The following PRELID2 variants were observed in gnomAD, a reference collection of about 807,000 sequenced individuals.
PRELID2 encodes the protein PRELI domain-containing protein 2.
A neutral mutation model predicts 28.4 loss-of-function variants in PRELID2; 25 were observed. The ratio of observed to expected loss-of-function variants is 0.88; its 90% CI spans 0.64 to 1.23. The LOEUF is 1.23. Among genes scored for constraint, PRELID2 ranks in the 50% most tolerant of loss-of-function variants. PRELID2 has a pLI of 0.00. For synonymous variants in PRELID2, 76 were observed against 71.6 expected, an observed-to-expected ratio of 1.06 and a Z score of -0.31; for missense variants, 201 against 214.4, an observed-to-expected ratio of 0.94 and a Z score of 0.39.
In PRELID2 at chr5:145,692,752, T is replaced by C. The variant is rs564493638; in HGVS notation, n.70+72179A>G. Among the ~76,000 whole-genome samples, 10 of 152,372 alleles carry C rather than the reference T, an allele frequency of 6.6e-5. No homozygotes were observed. The East Asian group carries it at 1.7e-3, about 26-fold the overall frequency. ...TAGATTAATTAGCTCTGTGTCTTCA[T>C]AAAGCAAGATCTTTGTTTGGCTTCA... On this transcript the variant is annotated intron_variant and non_coding_transcript_variant, in intron 1 of 2. Coordinates refer to the PRELID2 transcript ENST00000510259.
At chr5:145,289,491 T>C in the PRELID2 span, among the ~76,000 whole-genome samples, 1 of 152,186 alleles carries the variant, frequency 6.6e-6, no homozygotes, top group Non-Finnish European at 1.5e-5. Context: ...AGTTTGTGCA[T>C]CCATTTGTTT....
chr5:145,231,079 G>A, the PRELID2 span, among the ~76,000 whole-genome samples: 1 of 152,138 alleles, frequency 6.6e-6, no homozygotes. Context: ...AGGGAAATCA[G>A]AGCCCATCTT....
the PRELID2 span, among the ~76,000 whole-genome samples, chr5:145,336,720 C>T: frequency 7.9e-5 from 12 of 151,824 alleles, no homozygotes; most frequent in African/African-American, 2.9e-4. Context: ...CCCAAATGTC[C>T]AACAATGATA....
the PRELID2 span, chr5:145,441,015 G>A: frequency 6.6e-6 from 1 of 152,022 alleles, no homozygotes; most frequent in South Asian, 2.1e-4. Flanking sequence ...TGCATATTTA[G>A]CATTTGCAAA....
At chr5:145,733,567 G>A (rs1216935924) in intron 1 of PRELID2, among the ~76,000 whole-genome samples, 1 of 152,158 alleles carries the variant, frequency 6.6e-6, no homozygotes, top group Non-Finnish European at 1.5e-5. Context: ...GATGAAGCAA[G>A]AACATTAACA....
the PRELID2 span, among the ~76,000 whole-genome samples, chr5:145,424,597 G>A: frequency 7.9e-5 from 12 of 152,184 alleles, no homozygotes; most frequent in Non-Finnish European, 1.2e-4. Context: ...GCTTCGGCTC[G>A]CGCACGGTGC....
the PRELID2 span, among the ~76,000 whole-genome samples, chr5:145,246,142 A>G: frequency 5.3e-5 from 8 of 152,110 alleles, no homozygotes; most frequent in Non-Finnish European, 7.4e-5. Flanking sequence ...TGGGAGGATC[A>G]ATGAAATTCT....
chr5:145,272,187 A>G, the PRELID2 span, among the ~76,000 whole-genome samples: 1 of 152,218 alleles, frequency 6.6e-6, no homozygotes, highest in Non-Finnish European at 1.5e-5. Flanking sequence ...CTCTGAGCAC[A>G]GAAACAGCTG....
At chr5:145,291,157 G>A in the PRELID2 span, among the ~76,000 whole-genome samples, 2 of 150,814 alleles carry the variant, frequency 1.3e-5, no homozygotes, top group Non-Finnish European at 2.9e-5. Flanking sequence ...GGCCAACATG[G>A]TGAAACCCCA....
At chr5:145,724,261 C>T (rs1756068015) in intron 1 of PRELID2, among the ~76,000 whole-genome samples, 1 of 151,842 alleles carries the variant, frequency 6.6e-6, no homozygotes, top group Non-Finnish European at 1.5e-5. Context: ...ACAATATTAT[C>T]TTTATATTTC....
intron 1 of PRELID2, among the ~76,000 whole-genome samples, chr5:145,718,070 A>G (rs979186955): frequency 4.6e-5 from 7 of 152,004 alleles, no homozygotes; most frequent in African/African-American, 1.7e-4. Context: ...ACACTGCTAT[A>G]TTTTCTTATT....
the PRELID2 span, among the ~76,000 whole-genome samples, chr5:145,379,195 T>C: frequency 2.4e-4 from 36 of 152,272 alleles, no homozygotes; most frequent in African/African-American, 8.7e-4. Context: ...TCCACTTCAC[T>C]GGGGAAGGGG....
the PRELID2 span, among the ~76,000 whole-genome samples, chr5:145,422,419 G>A: frequency 1.3e-5 from 2 of 152,206 alleles, no homozygotes; most frequent in Non-Finnish European, 2.9e-5. Context: ...TGGTGCTCCT[G>A]TATTGGGTGC....
the PRELID2 span, among the ~76,000 whole-genome samples, chr5:145,305,279 A>T: frequency 6.6e-6 from 1 of 152,210 alleles, no homozygotes; most frequent in African/African-American, 2.4e-5. Context: ...ATGGAAAATC[A>T]AACCAGTTTT....
chr5:145,333,727 G>C, the PRELID2 span, among the ~76,000 whole-genome samples: 1 of 151,504 alleles, frequency 6.6e-6, no homozygotes, highest in Non-Finnish European at 1.5e-5. Context: ...GGGATCCACT[G>C]AGCTAGACCA....
rs188629748 is a variant in PRELID2 at position 145,616,502 on chromosome 5, T to C, written n.71-143187A>G. Among the ~76,000 whole-genome samples, 894 of 152,062 alleles carry C rather than the reference T, an allele frequency of 5.9e-3. 11 individuals are homozygous for C. Among genetic ancestry groups the C allele is most frequent in the African/African-American group, 0.02 (829 of 41,452 alleles). Reference sequence around the variant, plus strand: ...CGGTCTGAGAAATAAAGGGACAAGGTACAAAAGAGAGAAATTTTAAAGCTG... The same window carrying C: ...CGGTCTGAGAAATAAAGGGACAAGGCACAAAAGAGAGAAATTTTAAAGCTG... On this transcript the variant is annotated intron_variant and non_coding_transcript_variant, in intron 1 of 2. Coordinates refer to the PRELID2 transcript ENST00000510259.
At chr5:145,647,043 G>C (rs1754208658) in intron 1 of PRELID2, among the ~76,000 whole-genome samples, 1 of 152,176 alleles carries the variant, frequency 6.6e-6, no homozygotes, top group Non-Finnish European at 1.5e-5. Context: ...GAGCTCGAAC[G>C]CTGTGCTTGG....
chr5:145,452,904 G>A, the PRELID2 span, among the ~76,000 whole-genome samples: 1 of 152,264 alleles, frequency 6.6e-6, no homozygotes, highest in East Asian at 1.9e-4. Flanking sequence ...TGACAAGAGA[G>A]TGAACTCACC....
At chr5:145,341,198 A>T in the PRELID2 span, among the ~76,000 whole-genome samples, 4 of 152,078 alleles carry the variant, frequency 2.6e-5, no homozygotes, top group South Asian at 8.3e-4. Flanking sequence ...AAACAAGAAA[A>T]GAAAAAAAAA....
Sources: allele counts gnomAD v4.1 joint callset (sites outside exome capture counted in the v4.1 genomes callset), GRCh38; gene constraint gnomAD v4.1.1; transcripts MANE v1.5; gene names NCBI Gene and HGNC (gene_info 2026-07-23, HGNC 2026-07-21).